The following ST6GALNAC3 variants were observed in gnomAD, a reference collection of about 807,000 sequenced individuals.
The protein encoded by ST6GALNAC3 is alpha-N-acetylgalactosaminide alpha-2,6-sialyltransferase 3.
Under a neutral mutation model 32.7 loss-of-function variants are expected in ST6GALNAC3, and 25 were observed. The ratio of observed to expected loss-of-function variants is 0.76; its 90% CI spans 0.56 to 1.07. The LOEUF (loss-of-function observed/expected upper bound fraction) is 1.07, where lower values mean the gene tolerates loss of function less well. Among genes scored for constraint, ST6GALNAC3 ranks in the 50% least tolerant of loss-of-function variants. The probability of loss-of-function intolerance (pLI) is 0.00; values close to 1 mark genes in which losing one functional copy is unlikely to be tolerated. For synonymous variants in ST6GALNAC3, 129 were observed against 133.1 expected (o/e 0.97, Z 0.21); for missense variants, 355 against 382.4 (o/e 0.93, Z 0.60).
intron 1 of ST6GALNAC3, among the ~76,000 whole-genome samples, chr1:76,082,096 A>ACTGAG (rs1646904056): frequency 6.6e-6 from 1 of 152,260 alleles, no homozygotes; most frequent in Non-Finnish European, 1.5e-5. Flanking sequence ...CTAGTAAACG[A>ACTGAG]CTGAGCGAAG....
intron 1 of ST6GALNAC3, among the ~76,000 whole-genome samples, chr1:76,293,633 C>A (rs931554638): frequency 1.3e-5 from 2 of 152,110 alleles, no homozygotes; most frequent in East Asian, 3.9e-4. Flanking sequence ...AAGGTCAATG[C>A]AAGAAACATT....
intron 3 of ST6GALNAC3, among the ~76,000 whole-genome samples, chr1:76,535,960 C>T (rs1460472115): frequency 6.6e-6 from 1 of 152,122 alleles, no homozygotes; most frequent in Non-Finnish European, 1.5e-5. Context: ...TTTTATTCTA[C>T]TCTTCTTGGG....
chr1:76,563,091 A>G (rs1461495217), intron 3 of ST6GALNAC3, among the ~76,000 whole-genome samples: 1 of 152,236 alleles, frequency 6.6e-6, no homozygotes, highest in Admixed American at 6.5e-5. Flanking sequence ...TGTTTACATT[A>G]CACAGAATTT....
intron 3 of ST6GALNAC3, among the ~76,000 whole-genome samples, chr1:76,508,023 G>A (rs1194396675): frequency 2.6e-5 from 4 of 152,232 alleles, no homozygotes; most frequent in Non-Finnish European, 4.4e-5. Flanking sequence ...CTTTCCTGTT[G>A]GCTAATAATG....
At chr1:76,564,655 G>A (rs1350880222) in intron 3 of ST6GALNAC3, among the ~76,000 whole-genome samples, 3 of 148,516 alleles carry the variant, frequency 2.0e-5, no homozygotes, top group East Asian at 2.0e-4. Flanking sequence ...GCTCTATCTC[G>A]GCTCACTGCA....
In ST6GALNAC3 at chr1:76,634,085, T is replaced by C. The variant is rs556652500; in HGVS notation, c.*5279T>C. 1.2e-5 allele frequency: 10 copies of C among 849,752 alleles called. No homozygotes were observed. The highest frequency in any genetic ancestry group is 1.4e-5 in the Non-Finnish European group (10 of 706,478). The allele number at this position is 849,752 out of a possible 1,614,324, so 52.6% of individuals were successfully genotyped here. A position where few individuals can be genotyped will look rare whatever the true frequency, so the allele number is the denominator to read the frequency against. On this transcript the variant is annotated 3_prime_UTR_variant, in exon 5 of 5. Transcript: ENST00000328299. ...ACTACTTGTTTGTTTCTTTTCAGAA[T>C]AGGCACTTTTTTTTGAGTAGAAAAC... is the stretch of plus-strand genomic sequence containing the variant.
intron 3 of ST6GALNAC3, among the ~76,000 whole-genome samples, chr1:76,581,478 A>G (rs1413938871): frequency 6.6e-6 from 1 of 152,172 alleles, no homozygotes; most frequent in Non-Finnish European, 1.5e-5. Context: ...ACATATATAC[A>G]CAGCTGGGGA....
intron 2 of ST6GALNAC3, among the ~76,000 whole-genome samples, chr1:76,379,192 G>A (rs759460650): frequency 9.2e-5 from 14 of 152,282 alleles, no homozygotes; most frequent in Non-Finnish European, 1.5e-4. Flanking sequence ...CACCGGGCTC[G>A]GCCAAGAATG....
chr1:76,275,439 GC>G (rs1470649584), intron 1 of ST6GALNAC3, among the ~76,000 whole-genome samples: 5 of 152,080 alleles, frequency 3.3e-5, no homozygotes, highest in African/African-American at 7.2e-5. Context: ...CTTAACTTTG[GC>G]CCTTCTTGGA....
At chr1:76,520,868 A>G (rs1280415192) in intron 3 of ST6GALNAC3, among the ~76,000 whole-genome samples, 1 of 152,134 alleles carries the variant, frequency 6.6e-6, no homozygotes, top group African/African-American at 2.4e-5. Context: ...AAATTTTAAA[A>G]ATTAGCTTGA....
At chr1:76,158,504 G>A (rs1034327864) in intron 1 of ST6GALNAC3, among the ~76,000 whole-genome samples, 4 of 152,154 alleles carry the variant, frequency 2.6e-5, no homozygotes, top group Admixed American at 2.0e-4. Flanking sequence ...GATGCTTAGG[G>A]ATTTATTAAT....
chr1:76,587,137 A>G (rs1431893248), intron 3 of ST6GALNAC3, among the ~76,000 whole-genome samples: 6 of 152,332 alleles, frequency 3.9e-5, no homozygotes, highest in Non-Finnish European at 7.3e-5. Context: ...ATGACTTTAT[A>G]TTAGTCCTGA....
chr1:76,322,310 A>C (rs1570815862), intron 2 of ST6GALNAC3, among the ~76,000 whole-genome samples: 1 of 152,206 alleles, frequency 6.6e-6, no homozygotes, highest in East Asian at 1.9e-4. Context: ...ACCAAATACC[A>C]AATATTTTGA....
downstream of ST6GALNAC3, among the ~76,000 whole-genome samples, chr1:76,635,965 T>C (rs1591911): frequency 0.12 from 18,600 of 152,236 alleles, 1,483 homozygotes; most frequent in Admixed American, 0.24. Flanking sequence ...CTTTCTGCCC[T>C]GATATTCTTA....
chr1:76,349,603 G>A (rs1444106639), intron 2 of ST6GALNAC3, among the ~76,000 whole-genome samples: 6 of 152,116 alleles, frequency 3.9e-5, no homozygotes, highest in African/African-American at 7.2e-5. Flanking sequence ...AGGGAAATGC[G>A]CAGAAAACAG....
At chr1:76,583,617 T>C (rs1234474943) in intron 3 of ST6GALNAC3, among the ~76,000 whole-genome samples, 3 of 152,160 alleles carry the variant, frequency 2.0e-5, no homozygotes, top group Non-Finnish European at 4.4e-5. Context: ...CACTGTATAA[T>C]GATTTAACAA....
intron 3 of ST6GALNAC3, among the ~76,000 whole-genome samples, chr1:76,625,585 G>A (rs955577898): frequency 6.6e-6 from 1 of 151,826 alleles, no homozygotes; most frequent in African/African-American, 2.4e-5. Context: ...CAAGACTCTT[G>A]CCTCTTCTGA....
At chr1:76,279,139 C>A (rs1659353111) in intron 1 of ST6GALNAC3, among the ~76,000 whole-genome samples, 1 of 152,184 alleles carries the variant, frequency 6.6e-6, no homozygotes, top group Non-Finnish European at 1.5e-5. Flanking sequence ...CAGACAGCAC[C>A]AACATGCTTC....
intron 3 of ST6GALNAC3, among the ~76,000 whole-genome samples, chr1:76,438,337 G>T (rs902737451): frequency 2.0e-5 from 3 of 151,914 alleles, no homozygotes; most frequent in African/African-American, 7.3e-5. Context: ...ATTTTTAGTA[G>T]AGACGGGGTT....
Sources: gnomAD v4.1 joint callset for allele counts (sites outside exome capture counted in the v4.1 genomes callset) on GRCh38, gnomAD v4.1.1 for gene constraint, MANE v1.5 for transcripts, NCBI Gene and HGNC (gene_info 2026-07-23, HGNC 2026-07-21) for gene names.